The following SCN8A variants were observed in gnomAD, a reference collection of about 807,000 sequenced individuals.
SCN8A encodes sodium voltage-gated channel alpha subunit 8, also known as sodium channel protein type 8 subunit alpha.
Under a neutral mutation model 184.1 loss-of-function variants are expected in SCN8A, and 30 were observed. That is an observed-to-expected ratio of 0.16 (90% CI 0.12 to 0.22). The LOEUF is 0.22. Ranked by LOEUF, SCN8A falls within the 10% of genes least tolerant of loss-of-function variation. The pLI is 1.00. For synonymous variants in SCN8A, 852 were observed against 907.0 expected, an observed-to-expected ratio of 0.94 and a Z score of 1.09; for missense variants, 1,057 against 2,498.9, an observed-to-expected ratio of 0.42 and a Z score of 12.30.
intron 2 of SCN8A, among the ~76,000 whole-genome samples, chr12:51,680,312 A>G (rs1418749339): frequency 6.6e-6 from 1 of 152,198 alleles, no homozygotes; most frequent in Non-Finnish European, 1.5e-5. Flanking sequence ...CACACATCAA[A>G]TGTCCTTAGT....
chr12:51,722,074 G>A, intron 12 of SCN8A, 166 bp downstream of exon 12: 2 of 1,053,096 alleles, frequency 1.9e-6, no homozygotes. Flanking sequence ...AGCCATTTCT[G>A]TGTTCTTCCT....
In SCN8A at chr12:51,686,369, G is replaced by A; in HGVS notation, c.397G>A (p.Val133Ile). The change falls in exon 4 of 27, where the codon GTA becomes ATA. Residue 133 changes from valine (V) to isoleucine (I), a missense_variant and splice_region_variant. Coordinates refer to ENST00000627620, the MANE Select transcript of SCN8A (RefSeq NM_001330260.2). ...RIAIKILIHS[V>I]FSMIIMCTIL... ...TATTGCCCCTTGACTCTTCTCTACA[G>A]TATTTAGCATGATCATTATGTGCAC... 6 of 1,603,462 alleles carry A rather than the reference G, an allele frequency of 3.7e-6. No individual in the cohort carries two copies. Among genetic ancestry groups the A allele is most frequent in the Non-Finnish European group, 5.1e-6 (6 of 1,170,966 alleles).
chr12:51,786,965 C>A, intron 22 of SCN8A, 139 bp downstream of exon 22: 2 of 838,422 alleles, frequency 2.4e-6, no homozygotes, highest in Non-Finnish European at 3.6e-6. Context: ...TATTGTTCCC[C>A]AAACCAGTTT....
At chr12:51,667,515 G>A (rs1042646806) in intron 2 of SCN8A, among the ~76,000 whole-genome samples, 1 of 151,636 alleles carries the variant, frequency 6.6e-6, no homozygotes, top group Non-Finnish European at 1.5e-5. Context: ...ACCACATCTG[G>A]CTAATTTTTG....
chr12:51,690,928 C>G (rs1251025704), intron 6 of SCN8A, among the ~76,000 whole-genome samples: 3 of 152,144 alleles, frequency 2.0e-5, no homozygotes, highest in Non-Finnish European at 4.4e-5. Flanking sequence ...GTATATACTT[C>G]TTGGCAAAAA....
At chr12:51,703,299 C>A (rs1256247468) in intron 9 of SCN8A, among the ~76,000 whole-genome samples, 2 of 152,106 alleles carry the variant, frequency 1.3e-5, no homozygotes, top group Non-Finnish European at 2.9e-5. Flanking sequence ...TACCACCACA[C>A]CTGGCTATAA....
At chr12:51,621,675 TAGTG>T (rs1402454248) in intron 1 of SCN8A, among the ~76,000 whole-genome samples, 5 of 152,074 alleles carry the variant, frequency 3.3e-5, no homozygotes, top group Admixed American at 3.3e-4. Flanking sequence ...GTCAGAGCAG[TAGTG>T]AGTAAGAAGG....
At chr12:51,660,523 A>G (rs1270674374) in intron 1 of SCN8A, among the ~76,000 whole-genome samples, 1 of 152,212 alleles carries the variant, frequency 6.6e-6, no homozygotes, top group Non-Finnish European at 1.5e-5. Context: ...TCACTGTGAA[A>G]GGGATACAAA....
intron 12 of SCN8A, among the ~76,000 whole-genome samples, chr12:51,731,307 G>A (rs984729568): frequency 1.2e-4 from 18 of 151,202 alleles, no homozygotes; most frequent in African/African-American, 4.1e-4. Context: ...GCACAATCTC[G>A]GCTCACTGCA....
At chr12:51,739,375 T>C (rs364507) in intron 12 of SCN8A, among the ~76,000 whole-genome samples, 134,465 of 151,976 alleles carry the variant, frequency 0.88, 59,717 homozygotes, top group East Asian at 0.98. Flanking sequence ...AACTACTTTT[T>C]GCCCAATGTC....
At chr12:51,656,062 A>G (rs1454494602) in intron 1 of SCN8A, among the ~76,000 whole-genome samples, 2 of 152,198 alleles carry the variant, frequency 1.3e-5, no homozygotes, top group East Asian at 1.9e-4. Context: ...AAATCTAACA[A>G]GTTTGTTACT....
At chr12:51,803,474 T>C (rs1229836673) in intron 26 of SCN8A, among the ~76,000 whole-genome samples, 1 of 152,008 alleles carries the variant, frequency 6.6e-6, no homozygotes, top group African/African-American at 2.4e-5. Flanking sequence ...TTCATTCCAA[T>C]CAGGTTGACA....
At chr12:51,658,773 G>C (rs1179378448) in intron 1 of SCN8A, among the ~76,000 whole-genome samples, 1 of 152,114 alleles carries the variant, frequency 6.6e-6, no homozygotes, top group East Asian at 1.9e-4. Context: ...CCTTAAAGTG[G>C]TTAATTTTAT....
chr12:51,613,393 T>C (rs761344701), intron 1 of SCN8A, among the ~76,000 whole-genome samples: 6 of 152,152 alleles, frequency 3.9e-5, no homozygotes, highest in African/African-American at 9.7e-5. Flanking sequence ...TTTATGTGTA[T>C]AGATTTGTCT....
rs759460833 is a variant in SCN8A, at chr12:51,762,484, C to A, written c.2371-19C>A. ...TTTCTACTATTTATTTTTCTTACCC[C>A]CTGCATCCCCCTATTTAGGTTTTCA... On this transcript the variant is annotated intron_variant, in intron 14 of 26. Transcript: ENST00000627620. 14 of 1,609,142 alleles carry A rather than the reference C, an allele frequency of 8.7e-6. No homozygotes were observed. The highest frequency in any genetic ancestry group is 1.1e-5 in the Non-Finnish European group (13 of 1,177,648).
chr12:51,702,702 T>C (rs1941711588), intron 8 of SCN8A, 71 bp from the exon 9 acceptor site: 1 of 1,233,546 alleles, frequency 8.1e-7, no homozygotes, highest in Non-Finnish European at 1.1e-6. Context: ...AATTATGTTA[T>C]TTATTATCTC....
intron 12 of SCN8A, among the ~76,000 whole-genome samples, chr12:51,737,706 G>A (rs894823886): frequency 2.6e-5 from 4 of 152,194 alleles, no homozygotes; most frequent in Non-Finnish European, 4.4e-5. Context: ...ATTGAATTTT[G>A]TAAGTGATCA....
chr12:51,755,695 C>T (rs780110084), intron 14 of SCN8A, among the ~76,000 whole-genome samples: 3 of 152,040 alleles, frequency 2.0e-5, no homozygotes, highest in Admixed American at 6.5e-5. Context: ...CAGCATGCAG[C>T]CCCTCTTAGG....
chr12:51,793,860 A>G (rs1253973169), intron 25 of SCN8A, among the ~76,000 whole-genome samples: 5 of 149,248 alleles, frequency 3.4e-5, no homozygotes, highest in Admixed American at 1.3e-4. Context: ...AAACAGAAAG[A>G]AAGGCCAGGC....
Sources: gnomAD v4.1 joint callset for allele counts (sites outside exome capture counted in the v4.1 genomes callset) on GRCh38, gnomAD v4.1.1 for gene constraint, MANE v1.5 for transcripts, NCBI Gene and HGNC (gene_info 2026-07-23, HGNC 2026-07-21) for gene names.